AKT3: variants seen among roughly 807,000 people sequenced by gnomAD.
The protein encoded by AKT3 is AKT serine/threonine kinase 3.
AKT3 carries 15 observed loss-of-function variants against 65.3 expected under a neutral mutation model. That is an observed-to-expected ratio of 0.23 (90% CI 0.15 to 0.35). AKT3 has a LOEUF of 0.35. Ranked by LOEUF, AKT3 falls within the 10% of genes least tolerant of loss-of-function variation. The pLI, the probability that AKT3 is intolerant of heterozygous loss-of-function variation, is 1.00. For missense variants in AKT3, 243 were observed against 576.5 expected, an observed-to-expected ratio of 0.42 and a Z score of 5.92; for synonymous variants, 206 against 183.8, an observed-to-expected ratio of 1.12 and a Z score of -0.98.
intron 2 of AKT3, among the ~76,000 whole-genome samples, chr1:243,781,135 A>G (rs1323459578): frequency 6.6e-6 from 1 of 152,094 alleles, no homozygotes; most frequent in African/African-American, 2.4e-5. Flanking sequence ...AAAATTATGT[A>G]TATATAATTT....
At chr1:243,807,830 C>T (rs763673292) in intron 2 of AKT3, among the ~76,000 whole-genome samples, 20 of 152,290 alleles carry the variant, frequency 1.3e-4, no homozygotes, top group Admixed American at 2.0e-4. Flanking sequence ...CCCTCTGAGA[C>T]GAAACTTCCA....
At chr1:243,838,091 C>A (rs1331933770) in intron 2 of AKT3, among the ~76,000 whole-genome samples, 1 of 152,068 alleles carries the variant, frequency 6.6e-6, no homozygotes, top group Non-Finnish European at 1.5e-5. Context: ...TGTGTAACAG[C>A]AACTTTACAA....
chr1:243,636,799 T>G (rs976672239), intron 6 of AKT3, among the ~76,000 whole-genome samples: 5 of 152,144 alleles, frequency 3.3e-5, no homozygotes, highest in Admixed American at 1.3e-4. Flanking sequence ...TGTGTATGAT[T>G]CCAAAGCCAA....
chr1:243,620,780 T>C (rs1336886067), intron 6 of AKT3, among the ~76,000 whole-genome samples: 1 of 152,168 alleles, frequency 6.6e-6, no homozygotes, highest in Admixed American at 6.6e-5. Context: ...GAGTATTGTG[T>C]TTGATACTTT....
intron 8 of AKT3, among the ~76,000 whole-genome samples, chr1:243,593,960 TAAAC>T (rs1359712789): frequency 1.3e-5 from 2 of 152,146 alleles, no homozygotes; most frequent in African/African-American, 4.8e-5. Flanking sequence ...GATAGACAAT[TAAAC>T]AGACAAATAT....
At chr1:243,517,449 CTTATA>C (rs1419543890) in intron 12 of AKT3, among the ~76,000 whole-genome samples, 5 of 152,068 alleles carry the variant, frequency 3.3e-5, no homozygotes, top group South Asian at 2.1e-4. Context: ...TCTATTTTTC[CTTATA>C]TTAGTTTTTG....
intron 8 of AKT3, among the ~76,000 whole-genome samples, chr1:243,593,044 G>A (rs561217154): frequency 1.3e-5 from 2 of 152,186 alleles, no homozygotes; most frequent in South Asian, 4.2e-4. Context: ...ATAGTTAACC[G>A]TCATCCCACA....
chr1:243,542,531 T>C (rs1345050777), intron 12 of AKT3, among the ~76,000 whole-genome samples: 1 of 152,172 alleles, frequency 6.6e-6, no homozygotes, highest in African/African-American at 2.4e-5. Flanking sequence ...CCAATAATTA[T>C]GTGATAATAA....
intron 2 of AKT3, among the ~76,000 whole-genome samples, chr1:243,751,726 G>A (rs987080529): frequency 6.6e-6 from 1 of 152,080 alleles, no homozygotes; most frequent in Non-Finnish European, 1.5e-5. Context: ...CCTGAGACAT[G>A]CATGGAAGAG....
At chr1:243,644,359 T>C (rs1459203270) in intron 5 of AKT3, among the ~76,000 whole-genome samples, 1 of 152,174 alleles carries the variant, frequency 6.6e-6, no homozygotes, top group African/African-American at 2.4e-5. Flanking sequence ...AACTTTACTA[T>C]CACAACCTAG....
At position 243,615,143 on chromosome 1, in the gene AKT3, G is replaced by C. The variant is rs887159202; in HGVS notation, c.580C>G (p.Leu194Val). Residue 194 changes from leucine to valine, a missense_variant, in exon 7 of 14, where the codon CTA (leucine) becomes GTA (valine). Coordinates refer to ENST00000673466, the MANE Select transcript of AKT3 (RefSeq NM_005465.7). ...TTCTTTAATACTCTGCTTTCAGTTA[G>C]AGTGTGTGCCACTTCATCCTACAAA... ...IIAKDEVAHTLTESRVLKNTR... is the reference protein window; with the variant it reads ...IIAKDEVAHTVTESRVLKNTR... 4 of 1,608,734 alleles carry C rather than the reference G, an allele frequency of 2.5e-6. No individual in the cohort carries two copies. The highest frequency in any genetic ancestry group is 2.2e-5 in the East Asian group (1 of 44,708).
intron 2 of AKT3, among the ~76,000 whole-genome samples, chr1:243,840,290 A>G (rs909073200): frequency 6.6e-6 from 1 of 152,174 alleles, no homozygotes; most frequent in African/African-American, 2.4e-5. Context: ...TAAGAAATCC[A>G]TTTGTTCTCC....
chr1:243,729,340 T>A (rs770115642), intron 2 of AKT3, among the ~76,000 whole-genome samples: 2 of 152,106 alleles, frequency 1.3e-5, no homozygotes, highest in African/African-American at 2.4e-5. Context: ...AGACTGGTAA[T>A]ACAAGAGAGG....
At chr1:243,562,045 A>G (rs959365001) in intron 10 of AKT3, among the ~76,000 whole-genome samples, 2 of 152,204 alleles carry the variant, frequency 1.3e-5, no homozygotes, top group East Asian at 3.8e-4. Flanking sequence ...CAGCAGCATT[A>G]TTCATAGTAG....
chr1:243,490,456 C>T (rs988404852), intron 13 of AKT3, among the ~76,000 whole-genome samples: 10 of 152,178 alleles, frequency 6.6e-5, no homozygotes, highest in South Asian at 2.1e-4. Flanking sequence ...TGATTCTGGA[C>T]GACACTACAT....
chr1:243,558,986 G>A (rs747490395), intron 10 of AKT3, among the ~76,000 whole-genome samples: 8 of 152,114 alleles, frequency 5.3e-5, no homozygotes, highest in Non-Finnish European at 1.0e-4. Context: ...CAAGAGCAAA[G>A]CTGAGACTCT....
At position 243,499,941 on chromosome 1, in the gene AKT3, G is replaced by A. The variant is rs910841165; in HGVS notation, c.*5308C>T. ...CCTCATCAACGCGGGCGCTGTCCCC[G>A]CACGCAGTCGGGCTGGAGCTGGAGT... is the stretch of plus-strand genomic sequence containing the variant. On this transcript the variant is annotated 3_prime_UTR_variant, in exon 14 of 14. Transcript: ENST00000673466. 1.3e-5 allele frequency: 9 copies of A among 703,936 alleles called. No individual in the cohort carries two copies. Among genetic ancestry groups the A allele is most frequent in the Admixed American group, 8.3e-5 (4 of 48,266 alleles). The allele number at this position is 703,936 out of a possible 1,614,324, so 43.6% of individuals were successfully genotyped here. A position where few individuals can be genotyped will look rare whatever the true frequency, so the allele number is the denominator to read the frequency against.
intron 10 of AKT3, among the ~76,000 whole-genome samples, chr1:243,562,332 G>C (rs923858413): frequency 1.1e-4 from 16 of 152,118 alleles, no homozygotes; most frequent in Middle Eastern, 3.2e-3. Context: ...GGAAGAATGA[G>C]GAGCTAACGG....
intron 4 of AKT3, among the ~76,000 whole-genome samples, chr1:243,647,103 C>T (rs895698056): frequency 2.0e-5 from 3 of 152,190 alleles, no homozygotes; most frequent in African/African-American, 7.2e-5. Context: ...TACATTTATA[C>T]AGGTCTTTAA....
Sources: gnomAD v4.1 joint callset for allele counts (sites outside exome capture counted in the v4.1 genomes callset) on GRCh38, gnomAD v4.1.1 for gene constraint, MANE v1.5 for transcripts, NCBI Gene and HGNC (gene_info 2026-07-23, HGNC 2026-07-21) for gene names.